Variants in MAP3K8 observed in about 807,000 individuals in gnomAD.
MAP3K8 encodes the protein Ewing sarcoma transformant.
MAP3K8 carries 22 observed loss-of-function variants against 45.8 expected under a neutral mutation model. The observed-to-expected ratio is 0.48, with a 90% CI of 0.34 to 0.69. MAP3K8 has a LOEUF of 0.69. Ranked by LOEUF, MAP3K8 falls within the 30% of genes least tolerant of loss-of-function variation. The pLI is 0.01. For missense variants in MAP3K8, 419 were observed against 585.0 expected (o/e 0.72, Z 2.93); for synonymous variants, 223 against 214.3 (o/e 1.04, Z -0.36).
At chr10:30,439,324 G>T in intron 3 of MAP3K8, 50 bp downstream of exon 3, 1 of 1,601,810 alleles carries the variant, frequency 6.2e-7, no homozygotes, top group South Asian at 1.1e-5. Flanking sequence ...CTTTCCTACT[G>T]CAGCTTCATT....
chr10:30,461,234 G>A lies in MAP3K8; in HGVS notation c.*398G>A. 1 of 232,722 alleles carries A rather than the reference G, an allele frequency of 4.3e-6. No homozygotes were observed. The highest frequency in any genetic ancestry group is 8.5e-6 in the Non-Finnish European group (1 of 117,992). 14.4% of individuals were successfully genotyped at this position (232,722 alleles called of 1,614,324 possible). On this transcript the variant is annotated 3_prime_UTR_variant, in exon 9 of 9. Coordinates refer to ENST00000263056, the MANE Select transcript of MAP3K8 (RefSeq NM_005204.4). ...AATATTCATTTTACTCAGAATAGCT[G>A]TTTTGTGTATATTGGTGTATATTAT...
At chr10:30,453,625 A>G (rs1040472485) in intron 6 of MAP3K8, among the ~76,000 whole-genome samples, 7 of 152,228 alleles carry the variant, frequency 4.6e-5, no homozygotes, top group African/African-American at 1.7e-4. Flanking sequence ...GTGAGCACCA[A>G]CGAGGAAGCA....
At chr10:30,452,663 T>C (rs993400827) in intron 6 of MAP3K8, among the ~76,000 whole-genome samples, 1 of 151,826 alleles carries the variant, frequency 6.6e-6, no homozygotes, top group Non-Finnish European at 1.5e-5. Context: ...ATATCCACAG[T>C]TCGGCTTTAT....
intron 3 of MAP3K8, among the ~76,000 whole-genome samples, chr10:30,442,648 G>C (rs2132791549): frequency 6.6e-6 from 1 of 152,342 alleles, no homozygotes; most frequent in African/African-American, 2.4e-5. Flanking sequence ...TAAGAGTGCT[G>C]CATGTTATTT....
At chr10:30,452,450 C>A (rs1362345282) in intron 6 of MAP3K8, among the ~76,000 whole-genome samples, 1 of 150,106 alleles carries the variant, frequency 6.7e-6, no homozygotes, top group East Asian at 2.0e-4. Flanking sequence ...GCCTGGGCAA[C>A]AAGAGTGAAA....
At chr10:30,459,728 A>T (rs1326455207) in intron 8 of MAP3K8, among the ~76,000 whole-genome samples, 1 of 152,178 alleles carries the variant, frequency 6.6e-6, no homozygotes, top group Non-Finnish European at 1.5e-5. Context: ...TGTAGGTAGC[A>T]CAGTCACTGG....
intron 1 of MAP3K8, among the ~76,000 whole-genome samples, chr10:30,436,202 C>A (rs926751399): frequency 6.6e-6 from 1 of 152,154 alleles, no homozygotes; most frequent in Non-Finnish European, 1.5e-5. Flanking sequence ...GTCTTTATTG[C>A]CAAACTAGAA....
intron 3 of MAP3K8, among the ~76,000 whole-genome samples, chr10:30,446,042 G>A (rs608693): frequency 0.49 from 72,596 of 149,386 alleles, 20,295 homozygotes; most frequent in Non-Finnish European, 0.63. Flanking sequence ...TCCCTTCAGC[G>A]GCTGCTGCTG....
At chr10:30,437,004 C>G (rs1055009023) in intron 1 of MAP3K8, among the ~76,000 whole-genome samples, 172 bp from the exon 2 acceptor site, 1 of 151,842 alleles carries the variant, frequency 6.6e-6, no homozygotes, top group African/African-American at 2.4e-5. Context: ...AGAAGTTGCT[C>G]TCCTAACTCA....
Position 30,438,957 on chromosome 10 carries a change from G to T in MAP3K8, c.19G>T (p.Gly7Ter). 6.2e-7 allele frequency: 1 copy of T among 1,609,002 alleles called. No homozygotes were observed. The highest frequency in any genetic ancestry group is 1.1e-5 in the South Asian group (1 of 90,712). MEYMSTGSDNKEEIDLL... is the reference protein window; with the variant it reads MEYMST ...AACAGTAATGGAGTACATGAGCACTGGAAGTGACAATAAAGAAGAGATTGA... is the reference window on the plus strand; with the variant it reads ...AACAGTAATGGAGTACATGAGCACTTGAAGTGACAATAAAGAAGAGATTGA... The change falls in exon 3 of 9, where the codon GGA becomes TGA. Residue 7 changes from glycine to a stop codon, truncating the protein, a stop_gained. Coordinates refer to ENST00000263056, the MANE Select transcript of MAP3K8 (RefSeq NM_005204.4). LOFTEE classifies it high-confidence loss of function.
In MAP3K8 at chr10:30,450,252, T is replaced by C. The variant is rs1303611080; in HGVS notation, c.505-6T>C. 2 of 1,584,468 alleles carry C rather than the reference T, an allele frequency of 1.3e-6. No homozygotes were observed. The highest frequency in any genetic ancestry group is 1.4e-5 in the African/African-American group (1 of 73,828). On this transcript the variant is annotated splice_polypyrimidine_tract_variant and splice_region_variant and intron_variant, in intron 4 of 8. Coordinates refer to ENST00000263056, the MANE Select transcript of MAP3K8 (RefSeq NM_005204.4). ...TTAGAATCTCGCTTGTATTTTTGTG[T>C]TCTAGATCCCAGTAGATCAATTTAA...
intron 6 of MAP3K8, among the ~76,000 whole-genome samples, chr10:30,456,779 T>C (rs1413803618): frequency 6.6e-6 from 1 of 152,138 alleles, no homozygotes; most frequent in Non-Finnish European, 1.5e-5. Context: ...GCTCAAGCAA[T>C]CTTCCTGCCT....
chr10:30,439,411 AGTACTTCCAT>A, intron 3 of MAP3K8, 137 bp downstream of exon 3: 3 of 1,410,942 alleles, frequency 2.1e-6, no homozygotes, highest in Non-Finnish European at 2.8e-6. Context: ...ATCAGTAAGA[AGTACTTCCAT>A]GTTAAAGATG....
intron 3 of MAP3K8, among the ~76,000 whole-genome samples, chr10:30,442,029 A>G (rs1018074718): frequency 2.6e-5 from 4 of 152,216 alleles, no homozygotes; most frequent in African/African-American, 9.7e-5. Context: ...TGATGTATCT[A>G]CATAGGGATG....
rs559770250 is a variant in MAP3K8 at position 30,461,270 on chromosome 10, G to C, written c.*434G>C. Reference sequence around the variant, plus strand: ...ATTGGTGTATATTATATAACTCTTTGAGCCTTTATTGGTAAATTCTGGTAT... The same window carrying C: ...ATTGGTGTATATTATATAACTCTTTCAGCCTTTATTGGTAAATTCTGGTAT... On this transcript the variant is annotated 3_prime_UTR_variant, in exon 9 of 9. Transcript: ENST00000263056. The C allele has an allele frequency of 1.8e-5, 4 of 220,486 alleles. No individual in the cohort carries two copies. The East Asian group carries it at 2.7e-4, about 15-fold the overall frequency. The allele number at this position is 220,486 out of a possible 1,614,324, so 13.7% of individuals were successfully genotyped here.
rs1836919251 is a variant in MAP3K8, at chr10:30,460,938, G to A, written c.*102G>A. 4 of 1,452,852 alleles carry A rather than the reference G, an allele frequency of 2.8e-6. No individual in the cohort carries two copies. Among genetic ancestry groups the A allele is most frequent in the African/African-American group, 1.4e-5 (1 of 70,274 alleles). The allele number at this position is 1,452,852 out of a possible 1,614,324, so 90.0% of individuals were successfully genotyped here. On this transcript the variant is annotated 3_prime_UTR_variant, in exon 9 of 9. Transcript: ENST00000263056. Reference sequence around the variant, plus strand: ...CTGTACAGTGAATGGTGCCATTTTCGAAGGAGCAGTGTGACCTCCTGTGAC... The same window carrying A: ...CTGTACAGTGAATGGTGCCATTTTCAAAGGAGCAGTGTGACCTCCTGTGAC...
At chr10:30,453,363 G>T (rs1391030430) in intron 6 of MAP3K8, among the ~76,000 whole-genome samples, 1 of 151,942 alleles carries the variant, frequency 6.6e-6, no homozygotes, top group East Asian at 1.9e-4. Context: ...TTTGAGCCTA[G>T]GAATTCTATA....
chr10:30,453,801 T>G (rs1588788497), intron 6 of MAP3K8, among the ~76,000 whole-genome samples: 6 of 134,184 alleles, frequency 4.5e-5, no homozygotes, highest in Admixed American at 7.7e-5. Flanking sequence ...GCCAAGGAGG[T>G]GGGGGTGGTT....
chr10:30,441,993 T>C (rs1836126049), intron 3 of MAP3K8, among the ~76,000 whole-genome samples: 1 of 152,228 alleles, frequency 6.6e-6, no homozygotes, highest in African/African-American at 2.4e-5. Flanking sequence ...AGCAGCTGAT[T>C]GGTTCCTAGG....
Sources: allele counts gnomAD v4.1 joint callset (sites outside exome capture counted in the v4.1 genomes callset), GRCh38; gene constraint gnomAD v4.1.1; transcripts MANE v1.5; gene names NCBI Gene and HGNC (gene_info 2026-07-23, HGNC 2026-07-21).